The following NPLOC4 variants were observed in gnomAD, a reference collection of about 807,000 sequenced individuals.
NPLOC4 encodes the protein NPL4 homolog, ubiquitin recognition factor.
A neutral mutation model predicts 80.6 loss-of-function variants in NPLOC4; 18 were observed. The ratio of observed to expected loss-of-function variants is 0.22; its 90% CI spans 0.15 to 0.33. NPLOC4 has a LOEUF of 0.33. NPLOC4 is among the 10% of genes least tolerant of loss of function. NPLOC4 has a pLI of 1.00. For synonymous variants in NPLOC4, 313 were observed against 301.5 expected (o/e 1.04, Z -0.39); for missense variants, 540 against 786.1 (o/e 0.69, Z 3.74).
At chr17:81,586,360 A>G (rs1221587881) in intron 12 of NPLOC4, among the ~76,000 whole-genome samples, 2 of 152,130 alleles carry the variant, frequency 1.3e-5, no homozygotes, top group Non-Finnish European at 1.5e-5. Context: ...CTATAATCCC[A>G]ACACTTTGGG....
chr17:81,624,397 G>A (rs1353942147), intron 2 of NPLOC4, among the ~76,000 whole-genome samples: 2 of 152,066 alleles, frequency 1.3e-5, no homozygotes, highest in African/African-American at 4.8e-5. Context: ...CAGCCTGGGC[G>A]ACAAGAGTGA....
chr17:81,602,230 AAAAC>A (rs577217580), intron 8 of NPLOC4, among the ~76,000 whole-genome samples: 132 of 152,236 alleles, frequency 8.7e-4, no homozygotes, highest in Admixed American at 1.5e-3. Context: ...AAAACAAAAC[AAAAC>A]AAACAAACAA....
intron 4 of NPLOC4, among the ~76,000 whole-genome samples, chr17:81,610,648 A>C (rs983464158): frequency 1.3e-5 from 2 of 152,152 alleles, no homozygotes; most frequent in Non-Finnish European, 2.9e-5. Flanking sequence ...ATGGGTATCC[A>C]CTGCTTAAAA....
intron 3 of NPLOC4, among the ~76,000 whole-genome samples, chr17:81,613,728 C>T (rs576875770): frequency 5.5e-4 from 83 of 152,268 alleles, no homozygotes; most frequent in Non-Finnish European, 9.4e-4. Context: ...TTACCTTAAA[C>T]TCTGTGAAGC....
At position 81,559,276 on chromosome 17, in the gene NPLOC4, T is replaced by A; in HGVS notation, c.1810A>T (p.Ser604Cys). 1 of 1,604,106 alleles carries A rather than the reference T, an allele frequency of 6.2e-7. No homozygotes were observed. The highest frequency in any genetic ancestry group is 8.5e-7 in the Non-Finnish European group (1 of 1,175,894). Residue 604 changes from serine to cysteine, a missense_variant, in exon 17 of 17, where the codon AGC becomes TGC. Ser to Cys is a moderately radical substitution (Grantham distance 112). Around this residue, in one of 6 missense-constraint regions of NPLOC4, gnomAD observed 87 missense variants for 70.3 expected, o/e 1.24. Coordinates refer to ENST00000331134, the MANE Select transcript of NPLOC4 (RefSeq NM_017921.4). The stretch of plus-strand genomic sequence containing the variant: ...CAGGCGCCCTAGGTCCTGGGGAGGC[T>A]GCACATCTCGCAGTGGCCTGTGCCT... ...QPGTGHCEMC[S>C]LPRT
intron 2 of NPLOC4, among the ~76,000 whole-genome samples, chr17:81,628,675 G>A (rs2035859323): frequency 6.6e-6 from 1 of 152,114 alleles, no homozygotes; most frequent in Non-Finnish European, 1.5e-5. Context: ...TAGTCTGGGG[G>A]AATCCATGGG....
intron 3 of NPLOC4, among the ~76,000 whole-genome samples, chr17:81,621,688 A>G (rs1226326740): frequency 6.6e-6 from 1 of 152,164 alleles, no homozygotes; most frequent in African/African-American, 2.4e-5. Flanking sequence ...GTGTTCCAAT[A>G]ACACTTTACA....
intron 12 of NPLOC4, among the ~76,000 whole-genome samples, chr17:81,581,675 C>A (rs78916319): frequency 5.9e-5 from 9 of 152,180 alleles, no homozygotes; most frequent in Non-Finnish European, 1.5e-5. Context: ...AGTATACTCC[C>A]GGGGCGCCAG....
At position 81,565,172 on chromosome 17, in the gene NPLOC4, G is replaced by T. The variant is rs186896572; in HGVS notation, c.1669+333C>A. 2.4e-3 allele frequency: 1,459 copies of T among 605,792 alleles called. 27 individuals are homozygous for T. In the Admixed American group the frequency reaches 0.033, roughly 14 times the overall value. The allele number at this position is 605,792 out of a possible 1,614,324, so 37.5% of individuals were successfully genotyped here. ...GACCAAAAGGTCCCACGCTTCCGGC[G>T]CTTCCATAAAGTTTCTGATTCTCTT... On this transcript the variant is annotated intron_variant, in intron 16 of 16. Coordinates refer to ENST00000331134, the MANE Select transcript of NPLOC4 (RefSeq NM_017921.4).
At chr17:81,581,375 A>AAAAAAAAAAAAGGTC (rs1555680405) in intron 12 of NPLOC4, among the ~76,000 whole-genome samples, 2 of 72,810 alleles carry the variant, frequency 2.7e-5, no homozygotes, top group African/African-American at 9.5e-5. Flanking sequence ...AAAAAAAAAA[A>AAAAAAAAAAAAGGTC]AGTTAATAAA....
chr17:81,575,259 C>G (rs1294894632), intron 12 of NPLOC4, among the ~76,000 whole-genome samples: 3 of 152,146 alleles, frequency 2.0e-5, no homozygotes, highest in African/African-American at 4.8e-5. Context: ...GCCACCACGC[C>G]CGGCTAATTT....
intron 12 of NPLOC4, among the ~76,000 whole-genome samples, chr17:81,581,348 C>CAAAA (rs1169351301): frequency 1.2e-4 from 1 of 8,478 alleles, no homozygotes. Flanking sequence ...GACTCCAACG[C>CAAAA]AAAAAAAAAA....
Position 81,558,973 on chromosome 17 carries a change from T to C in NPLOC4, c.*286A>G. On this transcript the variant is annotated 3_prime_UTR_variant, in exon 17 of 17. Coordinates refer to ENST00000331134, the MANE Select transcript of NPLOC4 (RefSeq NM_017921.4). Reference sequence around the variant, plus strand: ...AGGTGCCACGTAGAGGCGAGAGGTCTTTCCAACACGGCGGGGGACTTGTCA... The same window carrying C: ...AGGTGCCACGTAGAGGCGAGAGGTCCTTCCAACACGGCGGGGGACTTGTCA... 2.9e-6 allele frequency: 1 copy of C among 339,388 alleles called. No individual in the cohort carries two copies. The highest frequency in any genetic ancestry group is 5.4e-6 in the Non-Finnish European group (1 of 186,218). The allele number at this position is 339,388 out of a possible 1,614,324, so 21.0% of individuals were successfully genotyped here.
In NPLOC4 at chr17:81,567,805, G is replaced by C. The variant is rs75076089; in HGVS notation, c.1450-272C>G. 1.9e-5 allele frequency: 7 copies of C among 360,260 alleles called. No individual in the cohort carries two copies. The highest frequency in any genetic ancestry group is 1.9e-4 in the South Asian group (6 of 32,246). The allele number at this position is 360,260 out of a possible 1,614,324, so 22.3% of individuals were successfully genotyped here. ...TTATAAAGCTGACTCAGACTGGCCA[G>C]GTGTGGAGGCTAACACAGTAATTCC... On this transcript the variant is annotated intron_variant, in intron 14 of 16. Coordinates refer to ENST00000331134, the MANE Select transcript of NPLOC4 (RefSeq NM_017921.4). The surrounding 1 kb of genome is among the most constrained non-coding windows in gnomAD (Gnocchi z 4.5).
chr17:81,592,908 C>T (rs1015032272), intron 11 of NPLOC4, among the ~76,000 whole-genome samples: 1 of 152,150 alleles, frequency 6.6e-6, no homozygotes, highest in Admixed American at 6.5e-5. Flanking sequence ...CATTTGAACC[C>T]GGAGGCAGAA....
chr17:81,567,491 A>T lies in NPLOC4; in HGVS notation c.1492T>A (p.Ser498Thr), dbSNP rs1222644090. ...TCTGAGATGGTATCCAAGAACACAG[A>T]TGAGGTATTCTGAGACAAATAGGTG... ...LATYLSQNTS[S>T]VFLDTISDFH... Residue 498 changes from serine to threonine, a missense_variant, in exon 15 of 17, where the codon TCT becomes ACT. Ser to Thr is a moderately conservative substitution (Grantham distance 58, BLOSUM62 1). Coordinates refer to ENST00000331134, the MANE Select transcript of NPLOC4 (RefSeq NM_017921.4). This position sits in a 1 kb window ranked among gnomAD's most constrained non-coding sequence, Gnocchi z 4.5. 1.2e-6 allele frequency: 2 copies of T among 1,613,706 alleles called. No individual in the cohort carries two copies. Among genetic ancestry groups the T allele is most frequent in the Non-Finnish European group, 1.7e-6 (2 of 1,179,700 alleles).
chr17:81,597,870 G>A (rs2034958883), intron 9 of NPLOC4, among the ~76,000 whole-genome samples: 1 of 151,858 alleles, frequency 6.6e-6, no homozygotes, highest in Non-Finnish European at 1.5e-5. Context: ...CCAAGACGGT[G>A]GATCACGAGG....
chr17:81,566,214 C>T (rs1319853650), intron 15 of NPLOC4, among the ~76,000 whole-genome samples: 2 of 152,126 alleles, frequency 1.3e-5, no homozygotes, highest in African/African-American at 2.4e-5. Flanking sequence ...CACCTGTAAT[C>T]CCAGCTACTC....
Position 81,629,721 on chromosome 17 carries a change from A to G in NPLOC4, c.96+4T>C. 1.2e-6 allele frequency: 2 copies of G among 1,609,516 alleles called. No homozygotes were observed. Among genetic ancestry groups the G allele is most frequent in the Non-Finnish European group, 8.5e-7 (1 of 1,175,858 alleles). The stretch of plus-strand genomic sequence containing the variant: ...CTGAGGGTCAATACCCAGGCCACAG[A>G]TACCTTTTTCAAAAATGTTGCTGCT... On this transcript the variant is annotated splice_donor_region_variant and intron_variant, in intron 2 of 16. Coordinates refer to ENST00000331134, the MANE Select transcript of NPLOC4 (RefSeq NM_017921.4).
Sources: allele counts gnomAD v4.1 joint callset (sites outside exome capture counted in the v4.1 genomes callset), GRCh38; gene constraint gnomAD v4.1.1; regional missense constraint gnomAD v4.1.1; non-coding constraint Gnocchi (gnomAD v3.1); transcripts MANE v1.5; gene names NCBI Gene and HGNC (gene_info 2026-07-23, HGNC 2026-07-21).